MUSK: variants seen among roughly 807,000 people sequenced by gnomAD.
MUSK encodes muscle, skeletal receptor tyrosine-protein kinase.
MUSK carries 55 observed loss-of-function variants against 88.7 expected under a neutral mutation model. That is an observed-to-expected ratio of 0.62 (90% CI 0.50 to 0.78). The LOEUF is 0.78. Ranked by LOEUF, MUSK falls within the 30% of genes least tolerant of loss-of-function variation. The pLI, the probability that MUSK is intolerant of heterozygous loss-of-function variation, is 0.00. For synonymous variants in MUSK, 387 were observed against 391.9 expected (o/e 0.99, Z 0.15); for missense variants, 1,015 against 1,074.3 (o/e 0.94, Z 0.77).
Position 110,785,629 on chromosome 9 carries a change from C to G in MUSK, c.1689C>G (p.Pro563=), listed in dbSNP as rs376052538. ...MYQRMPLLLN[P]KLLSLEYPRN... ...AGAGGATGCCGCTCCTTCTGAACCC[C>G]AAATTGCTCAGCCTGGAGTATCCAA... The change falls in exon 13 of 15, where the codon CCC becomes CCG. Residue 563 remains proline, a synonymous_variant. Coordinates refer to ENST00000374448, the MANE Select transcript of MUSK (RefSeq NM_005592.4). 1.1e-5 allele frequency: 18 copies of G among 1,613,104 alleles called. No individual in the cohort carries two copies. In the African/African-American group the frequency reaches 2.3e-4, roughly 20 times the overall value.
chr9:110,700,553 A>C (rs538439748), intron 5 of MUSK, among the ~76,000 whole-genome samples: 1 of 149,588 alleles, frequency 6.7e-6, no homozygotes, highest in African/African-American at 2.6e-5. Flanking sequence ...GAGGAGTCAA[A>C]AAAGGAAGCA....
intron 1 of MUSK, among the ~76,000 whole-genome samples, chr9:110,670,317 G>A (rs1016151982): frequency 2.6e-5 from 4 of 152,136 alleles, no homozygotes; most frequent in Non-Finnish European, 5.9e-5. Flanking sequence ...ACGGATGTCC[G>A]GTAAGGCCCC....
At chr9:110,734,104 C>T in intron 5 of MUSK, 147 bp from the exon 6 acceptor site, 1 of 836,836 alleles carries the variant, frequency 1.2e-6, no homozygotes, top group Non-Finnish European at 1.8e-6. Context: ...GAGGCTCGGC[C>T]ATGGCATGTG....
intron 5 of MUSK, among the ~76,000 whole-genome samples, chr9:110,704,347 A>G (rs1248849861): frequency 6.6e-6 from 1 of 152,200 alleles, no homozygotes; most frequent in Non-Finnish European, 1.5e-5. Context: ...TCTACCGTAT[A>G]TGTGACTTGG....
In MUSK at chr9:110,802,072, T is replaced by C. The variant is rs965533356; in HGVS notation, c.*1084T>C. On this transcript the variant is annotated 3_prime_UTR_variant, in exon 15 of 15. Coordinates refer to ENST00000374448, the MANE Select transcript of MUSK (RefSeq NM_005592.4). ...AATATGAGATTTCACAAGATACACT[T>C]GTGGCTCTGAGTTATTTCAAAACTG... Among the ~76,000 whole-genome samples, 27 of 152,190 alleles carry C rather than the reference T, an allele frequency of 1.8e-4. No homozygotes were observed. Among genetic ancestry groups the C allele is most frequent in the African/African-American group, 6.5e-4 (27 of 41,430 alleles).
intron 8 of MUSK, 30 bp from the exon 9 acceptor site, chr9:110,767,790 A>G (rs2077506767): frequency 3.7e-6 from 6 of 1,613,754 alleles, no homozygotes; most frequent in Non-Finnish European, 3.4e-6. Flanking sequence ...ATAGCATGTG[A>G]TTAGAAATGT....
Position 110,703,289 on chromosome 9 carries a change from A to G in MUSK, c.628+5823A>G, listed in dbSNP as rs11999292. ...CAGTGACTCACGCCTGTAATCCCAGAACTTTGGGAGGCCAAGGCAGGCAGA... is the reference window on the plus strand; with the variant it reads ...CAGTGACTCACGCCTGTAATCCCAGGACTTTGGGAGGCCAAGGCAGGCAGA... On this transcript the variant is annotated intron_variant, in intron 5 of 14. Transcript: ENST00000374448. 1.9e-3 allele frequency among the ~76,000 whole-genome samples: 294 copies of G among 152,106 alleles called. 1 individual carries two copies. The highest frequency in any genetic ancestry group is 6.8e-3 in the African/African-American group (281 of 41,506).
intron 3 of MUSK, among the ~76,000 whole-genome samples, chr9:110,691,448 G>A (rs1329625752): frequency 6.6e-6 from 1 of 152,054 alleles, no homozygotes; most frequent in Admixed American, 6.6e-5. Context: ...GCATCATCAT[G>A]TTCTCTTACC....
chr9:110,689,673 T>TTATAATATATAACTATATATAGTTATA (rs1564217617), intron 3 of MUSK, among the ~76,000 whole-genome samples: 1 of 8,856 alleles, frequency 1.1e-4, no homozygotes, highest in Non-Finnish European at 1.9e-4. Context: ...ACATAGTATA[T>TTATAATATATAACTATATATAGTTATA]TATATATAAC....
At chr9:110,710,730 T>TA (rs954094162) in intron 5 of MUSK, among the ~76,000 whole-genome samples, 51 of 146,880 alleles carry the variant, frequency 3.5e-4, no homozygotes, top group Admixed American at 9.6e-4. Context: ...GTCAACCTGT[T>TA]AAAAAAAAAA....
At chr9:110,676,981 C>T (rs561140306) in intron 1 of MUSK, among the ~76,000 whole-genome samples, 8 of 152,314 alleles carry the variant, frequency 5.3e-5, no homozygotes, top group African/African-American at 1.7e-4. Context: ...TACCTCTCTG[C>T]ATCCATCTTG....
chr9:110,787,659 T>C (rs1192877899), intron 13 of MUSK, 31 bp from the exon 14 acceptor site: 1 of 1,606,840 alleles, frequency 6.2e-7, no homozygotes. Context: ...CCATGATCTT[T>C]GGTTTCTTTT....
At chr9:110,737,319 A>G (rs1255517926) in intron 6 of MUSK, among the ~76,000 whole-genome samples, 4 of 150,594 alleles carry the variant, frequency 2.7e-5, no homozygotes, top group African/African-American at 9.9e-5. Flanking sequence ...TCTTAATTTG[A>G]TAATTATTTT....
chr9:110,745,724 C>T (rs1173632377), intron 6 of MUSK, among the ~76,000 whole-genome samples: 1 of 152,128 alleles, frequency 6.6e-6, no homozygotes, highest in Admixed American at 6.5e-5. Context: ...TTGTAAATTT[C>T]TTATAGAGTC....
chr9:110,696,921 T>C (rs979206638), intron 4 of MUSK, among the ~76,000 whole-genome samples: 15 of 151,756 alleles, frequency 9.9e-5, no homozygotes, highest in African/African-American at 3.6e-4. Context: ...ATACCCAGTA[T>C]ATAGTTTTGT....
chr9:110,746,267 G>A (rs991272898), intron 6 of MUSK, among the ~76,000 whole-genome samples: 1 of 152,112 alleles, frequency 6.6e-6, no homozygotes, highest in Admixed American at 6.6e-5. Flanking sequence ...TATTGAAAAG[G>A]TGGTATTGTG....
chr9:110,799,969 C>T (rs2078065765), intron 14 of MUSK, among the ~76,000 whole-genome samples: 1 of 152,090 alleles, frequency 6.6e-6, no homozygotes, highest in Admixed American at 6.5e-5. Flanking sequence ...AAGAGCCACT[C>T]CAGAGAACTG....
chr9:110,762,263 C>A, intron 8 of MUSK, 55 bp downstream of exon 8: 1 of 1,330,800 alleles, frequency 7.5e-7, no homozygotes, highest in South Asian at 2.1e-5. Flanking sequence ...GTAGGGATTT[C>A]GTTTGTTTGT....
chr9:110,690,128 G>GTATAAATA (rs1320267785), intron 3 of MUSK, among the ~76,000 whole-genome samples: 370 of 27,784 alleles, frequency 0.013, 11 homozygotes, highest in African/African-American at 0.038. Flanking sequence ...TATTATATAA[G>GTATAAATA]TATAAATATA....
Sources: allele counts gnomAD v4.1 joint callset (sites outside exome capture counted in the v4.1 genomes callset), GRCh38; gene constraint gnomAD v4.1.1; transcripts MANE v1.5; gene names NCBI Gene and HGNC (gene_info 2026-07-23, HGNC 2026-07-21).